Variants in GFRA2 observed in about 807,000 individuals in gnomAD.
The protein encoded by GFRA2 is GDNF family receptor alpha-2.
A neutral mutation model predicts 48.3 loss-of-function variants in GFRA2; 17 were observed. The ratio of observed to expected loss-of-function variants is 0.35; its 90% CI spans 0.24 to 0.53. GFRA2 has a LOEUF of 0.53. Ranked by LOEUF, GFRA2 falls within the 20% of genes least tolerant of loss-of-function variation. The pLI, the probability that GFRA2 is intolerant of heterozygous loss-of-function variation, is 0.93. For missense variants in GFRA2, 660 were observed against 637.3 expected (o/e 1.04, Z -0.38); for synonymous variants, 305 against 257.2 (o/e 1.19, Z -1.78).
chr8:21,728,817 G>A (rs758282405), intron 4 of GFRA2, among the ~76,000 whole-genome samples: 3 of 152,218 alleles, frequency 2.0e-5, no homozygotes, highest in Non-Finnish European at 4.4e-5. Context: ...GTTATAAAGG[G>A]TACGTATGCA....
chr8:21,712,994 G>T (rs188399787), intron 4 of GFRA2, among the ~76,000 whole-genome samples: 1 of 151,302 alleles, frequency 6.6e-6, no homozygotes, highest in Non-Finnish European at 1.5e-5. Context: ...GAGGGAGACC[G>T]TGGAAAGAGG....
At chr8:21,812,175 A>C (rs1807993792) in intron 1 of GFRA2, 1 of 152,260 alleles carries the variant, frequency 6.6e-6, no homozygotes, top group African/African-American at 2.4e-5. Context: ...CCTGGGACAG[A>C]AATGGCCCAG....
At position 21,724,567 on chromosome 8, in the gene GFRA2, T is replaced by A. The variant is rs149124617; in HGVS notation, c.795-18526A>T. 2.6e-5 allele frequency among the ~76,000 whole-genome samples: 4 copies of A among 152,238 alleles called. 1 individual carries two copies. The highest frequency in any genetic ancestry group is 7.2e-5 in the African/African-American group (3 of 41,530). On this transcript the variant is annotated intron_variant, in intron 4 of 8. Coordinates refer to ENST00000524240, the MANE Select transcript of GFRA2 (RefSeq NM_001495.5). ...CTGGAAGGCCTTAGACAAAGCCCTG[T>A]AAACCAGGAGGCAAACTGGGAATGG...
intron 4 of GFRA2, among the ~76,000 whole-genome samples, chr8:21,723,272 G>C (rs949477451): frequency 2.6e-5 from 4 of 152,168 alleles, no homozygotes; most frequent in African/African-American, 9.7e-5. Flanking sequence ...AGCAGGTTCA[G>C]GCATCTGGCA....
intron 1 of GFRA2, among the ~76,000 whole-genome samples, chr8:21,784,505 T>C (rs1445592303): frequency 7.2e-5 from 11 of 152,102 alleles, no homozygotes; most frequent in Non-Finnish European, 1.5e-4. Context: ...AGGGGAGCGC[T>C]ACCGCAGGGA....
chr8:21,748,197 C>A (rs1326640749), intron 4 of GFRA2, among the ~76,000 whole-genome samples: 3 of 152,142 alleles, frequency 2.0e-5, no homozygotes. Context: ...GAGGTCGAGA[C>A]CCACAAGTCC....
intron 4 of GFRA2, among the ~76,000 whole-genome samples, chr8:21,713,466 G>A (rs1803175026): frequency 6.6e-6 from 1 of 152,146 alleles, no homozygotes; most frequent in African/African-American, 2.4e-5. Context: ...AAAGTGCTGG[G>A]ATTATAGGTG....
intron 2 of GFRA2, among the ~76,000 whole-genome samples, chr8:21,798,486 A>G (rs1807716066): frequency 6.6e-6 from 1 of 152,166 alleles, no homozygotes; most frequent in African/African-American, 2.4e-5. Context: ...ACCTCATGGA[A>G]TGAGCCAGCA....
chr8:21,784,355 AT>A, intron 1 of GFRA2: 1 of 456,106 alleles, frequency 2.2e-6, no homozygotes, highest in Non-Finnish European at 4.4e-6. Context: ...CGAAAGAGTA[AT>A]TTGGGAGGCT....
intron 1 of GFRA2, among the ~76,000 whole-genome samples, chr8:21,810,880 C>A (rs1807965820): frequency 6.6e-6 from 1 of 152,176 alleles, no homozygotes; most frequent in African/African-American, 2.4e-5. Context: ...CACAACCAGG[C>A]CACCAGCCTA....
intron 1 of GFRA2, among the ~76,000 whole-genome samples, chr8:21,809,606 C>T (rs974384954): frequency 6.6e-6 from 1 of 152,148 alleles, no homozygotes; most frequent in Non-Finnish European, 1.5e-5. Context: ...GGATTACAGG[C>T]GTGAGCCACC....
chr8:21,716,503 G>A (rs1367148043), intron 4 of GFRA2, among the ~76,000 whole-genome samples: 1 of 152,142 alleles, frequency 6.6e-6, no homozygotes, highest in Non-Finnish European at 1.5e-5. Context: ...GTTGGAGTAG[G>A]CAGATGGCCA....
chr8:21,725,304 C>T lies in GFRA2; in HGVS notation c.795-19263G>A, dbSNP rs145320844. On this transcript the variant is annotated intron_variant, in intron 4 of 8. Transcript: ENST00000524240. Reference sequence around the variant, plus strand: ...AGACCAGATCCTACTACAAAGCAATCGGCAGCTGTGGTCAGCAACAGCATG... The same window carrying T: ...AGACCAGATCCTACTACAAAGCAATTGGCAGCTGTGGTCAGCAACAGCATG... Among the ~76,000 whole-genome samples the T allele has an allele frequency of 8.5e-3, 1,289 of 152,272 alleles. 16 individuals are homozygous for T. Among genetic ancestry groups the T allele is most frequent in the African/African-American group, 0.03 (1,240 of 41,566 alleles).
At chr8:21,707,996 A>G (rs931163616) in intron 4 of GFRA2, among the ~76,000 whole-genome samples, 2 of 152,232 alleles carry the variant, frequency 1.3e-5, no homozygotes, top group Non-Finnish European at 2.9e-5. Flanking sequence ...GCCTCAGAGA[A>G]GCTAAACAAC....
chr8:21,731,528 T>A (rs1265097268), intron 4 of GFRA2, among the ~76,000 whole-genome samples: 1 of 152,122 alleles, frequency 6.6e-6, no homozygotes, highest in Non-Finnish European at 1.5e-5. Context: ...CATTTGTAGG[T>A]CACTCATCTG....
intron 4 of GFRA2, among the ~76,000 whole-genome samples, chr8:21,717,433 A>T (rs1488749235): frequency 1.3e-5 from 2 of 152,212 alleles, no homozygotes; most frequent in African/African-American, 2.4e-5. Context: ...AAATGGAGAA[A>T]ATGTTAAGTT....
chr8:21,763,401 A>G lies in GFRA2; in HGVS notation c.439+11571T>C, dbSNP rs932969517. Reference sequence around the variant, plus strand: ...TGCCCCTACTCCCCTGGAGGCTGTCACTCACCAACCCTGCCATTCCCCTCT... The same window carrying G: ...TGCCCCTACTCCCCTGGAGGCTGTCGCTCACCAACCCTGCCATTCCCCTCT... On this transcript the variant is annotated intron_variant, in intron 3 of 8. Coordinates refer to ENST00000524240, the MANE Select transcript of GFRA2 (RefSeq NM_001495.5). 5.3e-5 allele frequency among the ~76,000 whole-genome samples: 8 copies of G among 151,808 alleles called. No individual in the cohort carries two copies. In the East Asian group the frequency reaches 7.8e-4, roughly 15 times the overall value.
intron 8 of GFRA2, among the ~76,000 whole-genome samples, chr8:21,694,067 T>TATATATATATATA (rs1802025193): frequency 1.4e-5 from 1 of 71,208 alleles, no homozygotes; most frequent in Non-Finnish European, 2.9e-5. Flanking sequence ...ATATATATAT[T>TATATATATATATA]TATTTATTTT....
At chr8:21,779,374 G>C (rs1806862012) in intron 2 of GFRA2, among the ~76,000 whole-genome samples, 1 of 152,198 alleles carries the variant, frequency 6.6e-6, no homozygotes, top group Non-Finnish European at 1.5e-5. Context: ...GAGGGAGCCA[G>C]TGACATGGGA....
Sources: gnomAD v4.1 joint callset for allele counts (sites outside exome capture counted in the v4.1 genomes callset) on GRCh38, gnomAD v4.1.1 for gene constraint, MANE v1.5 for transcripts, NCBI Gene and HGNC (gene_info 2026-07-23, HGNC 2026-07-21) for gene names.